Variants in KLHL6 observed in about 807,000 individuals in gnomAD.
The protein encoded by KLHL6 is kelch-like protein 6.
In KLHL6, 41 loss-of-function variants were observed where a neutral mutation model predicts 58.6. The observed-to-expected ratio is 0.70, with a 90% CI of 0.55 to 0.91. The LOEUF (loss-of-function observed/expected upper bound fraction) is 0.91. Among genes scored for constraint, KLHL6 ranks in the 40% least tolerant of loss-of-function variants. KLHL6 has a pLI of 0.00. For missense variants in KLHL6, 714 were observed against 805.6 expected, an observed-to-expected ratio of 0.89 and a Z score of 1.38; for synonymous variants, 338 against 322.7, an observed-to-expected ratio of 1.05 and a Z score of -0.51.
chr3:183,555,486 T>A lies in KLHL6; in HGVS notation c.168A>T (p.Leu56Phe), dbSNP rs746896866. The change falls in exon 1 of 7, where the codon TTA becomes TTT. Residue 56 changes from leucine to phenylalanine, a missense_variant. Leu to Phe is a conservative substitution (Grantham distance 22, BLOSUM62 0). This residue lies in a region of KLHL6 where 204 missense variants were observed against 175.9 expected (regional missense o/e 1.16). Coordinates refer to ENST00000341319, the MANE Select transcript of KLHL6 (RefSeq NM_130446.4). Reference protein sequence around the residue: ...KVKFDDAGLSLILQNGLETLR... With the variant: ...KVKFDDAGLSFILQNGLETLR... ...GGGTTTCCAGGCCATTCTGAAGAAT[T>A]AAGGAGAGTCCCGCGTCGTCAAATT... 6.2e-7 allele frequency: 1 copy of A among 1,614,026 alleles called. No individual in the cohort carries two copies. Among genetic ancestry groups the A allele is most frequent in the South Asian group, 1.1e-5 (1 of 91,088 alleles).
At position 183,489,168 on chromosome 3, in the gene KLHL6, C is replaced by G. The variant is rs867024600; in HGVS notation, c.*2759G>C. On this transcript the variant is annotated 3_prime_UTR_variant, in exon 7 of 7. Coordinates refer to ENST00000341319, the MANE Select transcript of KLHL6 (RefSeq NM_130446.4). ...CCGCCATCCCCTCCCTGACTAGGGG[C>G]GCTGTCTTTTTGAAGGGAGGCTCCC... 6.6e-6 allele frequency: 1 copy of G among 152,158 alleles called. No individual in the cohort carries two copies. Among genetic ancestry groups the G allele is most frequent in the African/African-American group, 2.4e-5 (1 of 41,438 alleles). 9.4% of individuals were successfully genotyped at this position (152,158 alleles called of 1,614,324 possible).
At chr3:183,528,779 A>AT (rs1712062406) in intron 1 of KLHL6, among the ~76,000 whole-genome samples, 2 of 152,148 alleles carry the variant, frequency 1.3e-5, no homozygotes, top group South Asian at 4.1e-4. Flanking sequence ...TTTAATAGCT[A>AT]TTTTTTAAGT....
intron 1 of KLHL6, among the ~76,000 whole-genome samples, chr3:183,531,455 T>TTTTTTTG (rs1560105928): frequency 4.3e-5 from 6 of 138,094 alleles, no homozygotes; most frequent in African/African-American, 1.6e-4. Context: ...TTTTTTTTTT[T>TTTTTTTG]TTTTTTTTTT....
intron 1 of KLHL6, among the ~76,000 whole-genome samples, chr3:183,534,101 CTTTAAAAGTACTTTACT>C (rs1712263394): frequency 7.3e-6 from 1 of 137,890 alleles, no homozygotes; most frequent in Non-Finnish European, 1.6e-5. Flanking sequence ...TTTTAAAGTA[CTTTAAAAGTACTTTACT>C]TTTAAAGTAC....
At chr3:183,515,161 G>C (rs1361302319) in intron 2 of KLHL6, among the ~76,000 whole-genome samples, 1 of 152,204 alleles carries the variant, frequency 6.6e-6, no homozygotes, top group Non-Finnish European at 1.5e-5. Context: ...AAGAGAGAGA[G>C]CTAAGTCAAA....
At chr3:183,553,804 G>A (rs1431154613) in intron 1 of KLHL6, among the ~76,000 whole-genome samples, 1 of 152,034 alleles carries the variant, frequency 6.6e-6, no homozygotes. Context: ...CCTTCATCAT[G>A]CTGTTACAAA....
At chr3:183,519,108 T>G (rs1289214281) in intron 2 of KLHL6, among the ~76,000 whole-genome samples, 1 of 152,176 alleles carries the variant, frequency 6.6e-6, no homozygotes, top group Non-Finnish European at 1.5e-5. Flanking sequence ...GTGTATTGTT[T>G]CCAGACAAAG....
At chr3:183,506,781 T>C (rs1198372368) in intron 3 of KLHL6, among the ~76,000 whole-genome samples, 2 of 151,350 alleles carry the variant, frequency 1.3e-5, no homozygotes, top group Non-Finnish European at 2.9e-5. Flanking sequence ...TGAGCTATGA[T>C]TGCACCACTG....
intron 1 of KLHL6, among the ~76,000 whole-genome samples, chr3:183,537,799 C>T (rs538396136): frequency 4.7e-4 from 72 of 152,328 alleles, no homozygotes; most frequent in African/African-American, 1.7e-3. Context: ...AAAATCGCCA[C>T]TCCCTCACCT....
chr3:183,546,903 C>T (rs1247279565), intron 1 of KLHL6, among the ~76,000 whole-genome samples: 1 of 139,730 alleles, frequency 7.2e-6, no homozygotes, highest in Non-Finnish European at 1.5e-5. Flanking sequence ...AACCCCAGTG[C>T]CATAAGTCTT....
intron 1 of KLHL6, among the ~76,000 whole-genome samples, chr3:183,546,964 T>C (rs1712741873): frequency 6.8e-6 from 1 of 147,352 alleles, no homozygotes; most frequent in South Asian, 2.2e-4. Context: ...CAGGTTGGAA[T>C]GCAGTGGCAT....
chr3:183,534,884 A>G (rs534012198), intron 1 of KLHL6, among the ~76,000 whole-genome samples: 1 of 150,324 alleles, frequency 6.7e-6, no homozygotes, highest in South Asian at 2.1e-4. Flanking sequence ...ATATGTATGT[A>G]TATATGTATA....
chr3:183,530,829 CAT>C (rs1491558970), intron 1 of KLHL6, among the ~76,000 whole-genome samples: 2 of 130,486 alleles, frequency 1.5e-5, no homozygotes, highest in African/African-American at 2.8e-5. Flanking sequence ...TGTGAACATG[CAT>C]TTTTTTTTTT....
rs573576461 is a variant in KLHL6, at chr3:183,536,523, C to T, written c.294-8513G>A. On this transcript the variant is annotated intron_variant, in intron 1 of 6. Coordinates refer to ENST00000341319, the MANE Select transcript of KLHL6 (RefSeq NM_130446.4). ...AGGAGGGACTGGTGTCTAGTCTGAC[C>T]TCTGATGCTCACTCATTGTGTGACT... is the stretch of plus-strand genomic sequence containing the variant. Among the ~76,000 whole-genome samples, 110 of 152,330 alleles carry T rather than the reference C, an allele frequency of 7.2e-4. 1 individual carries two copies. Among genetic ancestry groups the T allele is most frequent in the African/African-American group, 2.3e-3 (95 of 41,584 alleles).
rs1713091247 is a variant in KLHL6, at chr3:183,555,550, G to C, written c.104C>G (p.Thr35Arg). The C allele has an allele frequency of 6.2e-7, 1 of 1,614,144 alleles. No individual in the cohort carries two copies. The highest frequency in any genetic ancestry group is 2.2e-5 in the East Asian group (1 of 44,886). ...ATTTAAGATCTCGACCAAGTCTCCTGTTTTCTGGGAGGGCTCATCTGTAGA... is the reference window on the plus strand; with the variant it reads ...ATTTAAGATCTCGACCAAGTCTCCTCTTTTCTGGGAGGGCTCATCTGTAGA... ...APSTDEPSQK[T>R]GDLVEILNGE... Residue 35 changes from threonine to arginine, a missense_variant, in exon 1 of 7, where the codon ACA becomes AGA. Transcript: ENST00000341319.
chr3:183,492,000 TG>T lies in KLHL6; in HGVS notation c.1792del (p.His598ThrfsTer58). 3 of 1,596,384 alleles carry T rather than the reference TG, an allele frequency of 1.9e-6. No individual in the cohort carries two copies. Among genetic ancestry groups the T allele is most frequent in the Non-Finnish European group, 2.6e-6 (3 of 1,168,670 alleles). ...EECVLPRGVS[H>X]HGSVTIRKSY... ...CTTCCTGATGGTGACGCTGCCGTGG[TG>T]CGACACGCCCCGGGGCAGGACGCAC... On this transcript the variant is annotated frameshift_variant, in exon 7 of 7. Coordinates refer to ENST00000341319, the MANE Select transcript of KLHL6 (RefSeq NM_130446.4). LOFTEE classifies it high-confidence loss of function.
At chr3:183,497,161 C>G (rs1717735930) in intron 4 of KLHL6, among the ~76,000 whole-genome samples, 1 of 152,174 alleles carries the variant, frequency 6.6e-6, no homozygotes, top group African/African-American at 2.4e-5. Context: ...CCTGTAATCC[C>G]AGCACTTTGG....
chr3:183,496,430 A>G (rs1717715587), intron 4 of KLHL6, among the ~76,000 whole-genome samples: 1 of 152,226 alleles, frequency 6.6e-6, no homozygotes, highest in Admixed American at 6.5e-5. Flanking sequence ...GGAAAATTTC[A>G]CAATATATAC....
At position 183,491,685 on chromosome 3, in the gene KLHL6, C is replaced by T. The variant is rs1259337419; in HGVS notation, c.*242G>A. 7.6e-6 allele frequency: 3 copies of T among 395,070 alleles called. No individual in the cohort carries two copies. In the East Asian group the frequency reaches 1.1e-4, roughly 15 times the overall value. The allele number at this position is 395,070 out of a possible 1,614,324, so 24.5% of individuals were successfully genotyped here. ...AGAAGCCGGCATAGGGTGGGTGGGT[C>T]CTGAATGCTAAATATTACTCTTCCT... On this transcript the variant is annotated 3_prime_UTR_variant, in exon 7 of 7. Coordinates refer to ENST00000341319, the MANE Select transcript of KLHL6 (RefSeq NM_130446.4).
Sources: allele counts gnomAD v4.1 joint callset (sites outside exome capture counted in the v4.1 genomes callset), GRCh38; gene constraint gnomAD v4.1.1; regional missense constraint gnomAD v4.1.1; transcripts MANE v1.5; gene names NCBI Gene and HGNC (gene_info 2026-07-23, HGNC 2026-07-21).